Variants in SRSF11 observed in about 807,000 individuals in gnomAD.
SRSF11 encodes serine and arginine rich splicing factor 11, also known as serine/arginine-rich splicing factor 11.
SRSF11 carries 9 observed loss-of-function variants against 56.0 expected under a neutral mutation model. That is an observed-to-expected ratio of 0.16 (90% CI 0.10 to 0.28). SRSF11 has a LOEUF of 0.28. SRSF11 is among the 10% of genes least tolerant of loss of function. SRSF11 has a pLI of 1.00. For missense variants in SRSF11, 421 were observed against 600.7 expected (o/e 0.70, Z 3.13); for synonymous variants, 222 against 215.3 (o/e 1.03, Z -0.27).
chr1:70,238,029 A>G (rs1266354952), intron 6 of SRSF11, among the ~76,000 whole-genome samples: 1 of 152,170 alleles, frequency 6.6e-6, no homozygotes, highest in African/African-American at 2.4e-5. Flanking sequence ...ATGAATAGAT[A>G]TCATATTATC....
Position 70,252,288 on chromosome 1 carries a change from A to G in SRSF11, c.*1483A>G, listed in dbSNP as rs994691436. ...ACTTTAGTATAAACAAATCCCACCT[A>G]TATCTAGCAAATTTATATTTTCGGT... is the stretch of plus-strand genomic sequence containing the variant. On this transcript the variant is annotated 3_prime_UTR_variant, in exon 12 of 12. Transcript: ENST00000370949. 6 of 152,108 alleles carry G rather than the reference A, an allele frequency of 3.9e-5. No individual in the cohort carries two copies. Among genetic ancestry groups the G allele is most frequent in the African/African-American group, 1.2e-4 (5 of 41,436 alleles). The allele number at this position is 152,108 out of a possible 1,614,324, so 9.4% of individuals were successfully genotyped here. A position where few individuals can be genotyped will look rare whatever the true frequency, so the allele number is the denominator to read the frequency against.
At chr1:70,244,876 T>A in intron 8 of SRSF11, 61 bp downstream of exon 8, 1 of 1,528,516 alleles carries the variant, frequency 6.5e-7, no homozygotes, top group Non-Finnish European at 8.9e-7. Context: ...ACTGTGCTAC[T>A]TAGTAACAAA....
chr1:70,247,345 A>G (rs572308537), intron 9 of SRSF11, among the ~76,000 whole-genome samples: 5 of 152,248 alleles, frequency 3.3e-5, no homozygotes, highest in African/African-American at 7.2e-5. Context: ...GACTAATTCT[A>G]TCTTTAAGCT....
intron 2 of SRSF11, chr1:70,229,992 G>T: frequency 1.0e-6 from 1 of 985,304 alleles, no homozygotes; most frequent in Non-Finnish European, 1.2e-6. Flanking sequence ...AAAATTTACA[G>T]AATTCAAATT....
chr1:70,225,177 A>G (rs1671495809), intron 1 of SRSF11, among the ~76,000 whole-genome samples: 1 of 152,216 alleles, frequency 6.6e-6, no homozygotes, highest in Non-Finnish European at 1.5e-5. Context: ...CCAGTGAAGT[A>G]TGTCACAGTT....
Position 70,250,508 on chromosome 1 carries a change from G to T in SRSF11, c.1257+5G>T. 6.2e-7 allele frequency: 1 copy of T among 1,604,064 alleles called. No individual in the cohort carries two copies. The highest frequency in any genetic ancestry group is 1.3e-5 in the African/African-American group (1 of 74,490). The stretch of plus-strand genomic sequence containing the variant: ...GAGAGTGATAAAGATGTAAAAGTAT[G>T]TTTACAAATTGATTTATTTTTATAT... On this transcript the variant is annotated splice_donor_5th_base_variant and intron_variant, in intron 11 of 11. Coordinates refer to ENST00000370949, the MANE Select transcript of SRSF11 (RefSeq NM_001350605.2).
At chr1:70,210,717 A>G (rs1669487618) in intron 1 of SRSF11, among the ~76,000 whole-genome samples, 2 of 152,152 alleles carry the variant, frequency 1.3e-5, no homozygotes, top group Admixed American at 6.5e-5. Flanking sequence ...CCTGTAGGGA[A>G]TTACAGGGAT....
chr1:70,242,472 C>CTTTTTTTTTTTTT (rs377434872), intron 7 of SRSF11, among the ~76,000 whole-genome samples: 19,033 of 136,956 alleles, frequency 0.14, 1,625 homozygotes, highest in East Asian at 0.3. Flanking sequence ...ATTTTTGCAC[C>CTTTTTTTTTTTTT]TTTTTTTTTT....
chr1:70,218,279 T>C (rs535028377), upstream of SRSF11, among the ~76,000 whole-genome samples: 103 of 152,390 alleles, frequency 6.8e-4, no homozygotes, highest in Non-Finnish European at 8.4e-4. Flanking sequence ...ACAGGGCTGG[T>C]ATTTTAAGCC....
chr1:70,207,036 G>A (rs1669107568), intron 1 of SRSF11, among the ~76,000 whole-genome samples: 1 of 151,636 alleles, frequency 6.6e-6, no homozygotes, highest in Non-Finnish European at 1.5e-5. Flanking sequence ...GATTATAGCC[G>A]CGCACCACCA....
In SRSF11 at chr1:70,252,610, G is replaced by T. The variant is rs1261134203; in HGVS notation, c.*1805G>T. 6.6e-6 allele frequency: 1 copy of T among 151,474 alleles called. No homozygotes were observed. The highest frequency in any genetic ancestry group is 1.9e-4 in the East Asian group (1 of 5,200). The allele number at this position is 151,474 out of a possible 1,614,324, so 9.4% of individuals were successfully genotyped here. On this transcript the variant is annotated 3_prime_UTR_variant, in exon 12 of 12. Coordinates refer to ENST00000370949, the MANE Select transcript of SRSF11 (RefSeq NM_001350605.2). Reference sequence around the variant, plus strand: ...AAAGAATTGTCTATAGTGAGTAAAAGAAGTTCTAATAATGGTCCTAATCAC... The same window carrying T: ...AAAGAATTGTCTATAGTGAGTAAAATAAGTTCTAATAATGGTCCTAATCAC...
intron 2 of SRSF11, chr1:70,230,964 C>A: frequency 1.6e-6 from 2 of 1,222,730 alleles, no homozygotes; most frequent in Non-Finnish European, 1.0e-6. Context: ...GATGACAGCT[C>A]TGACACAAGC....
At chr1:70,220,049 A>G (rs1360072375), upstream of SRSF11, among the ~76,000 whole-genome samples, 1 of 152,236 alleles carries the variant, frequency 6.6e-6, no homozygotes. Context: ...TCATTAAGGT[A>G]TATTTGTGCG....
intron 2 of SRSF11, 91 bp downstream of exon 2, chr1:70,228,646 C>T (rs964117737): frequency 7.1e-7 from 1 of 1,415,592 alleles, no homozygotes; most frequent in Non-Finnish European, 9.3e-7. Context: ...CATGTTAAAT[C>T]TAAGCTATTA....
At chr1:70,229,950 G>T in intron 2 of SRSF11, 1 of 985,346 alleles carries the variant, frequency 1.0e-6, no homozygotes, top group Non-Finnish European at 1.2e-6. Flanking sequence ...TTTTATGTCA[G>T]TGTGCCTGTT....
chr1:70,205,799 C>T, intron 1 of SRSF11: 1 of 401,300 alleles, frequency 2.5e-6, no homozygotes, highest in African/African-American at 2.0e-5. Flanking sequence ...GTTTAACGGG[C>T]TTAAGAGGGG....
chr1:70,207,007 C>G (rs931206421), intron 1 of SRSF11, among the ~76,000 whole-genome samples: 1 of 151,296 alleles, frequency 6.6e-6, no homozygotes, highest in South Asian at 2.1e-4. Context: ...TCTCCTGCCT[C>G]AGCCTCTCCA....
chr1:70,251,761 G>T lies in SRSF11; in HGVS notation c.*956G>T, dbSNP rs1023436750. ...AAATAAGACAAATCTACTTGATAAT[G>T]TACCTTTATTTGATCTCAAGTTGTA... is the stretch of plus-strand genomic sequence containing the variant. On this transcript the variant is annotated 3_prime_UTR_variant, in exon 12 of 12. Coordinates refer to ENST00000370949, the MANE Select transcript of SRSF11 (RefSeq NM_001350605.2). The T allele has an allele frequency of 3.9e-5, 6 of 152,532 alleles. No individual in the cohort carries two copies. Among genetic ancestry groups the T allele is most frequent in the African/African-American group, 1.4e-4 (6 of 41,440 alleles). 9.4% of individuals were successfully genotyped at this position (152,532 alleles called of 1,614,324 possible). A position where few individuals can be genotyped will look rare whatever the true frequency, so the allele number is the denominator to read the frequency against.
At chr1:70,227,969 CATTG>C (rs1187194769) in intron 1 of SRSF11, among the ~76,000 whole-genome samples, 2 of 152,166 alleles carry the variant, frequency 1.3e-5, no homozygotes, top group Non-Finnish European at 2.9e-5. Flanking sequence ...CAAGAAAACT[CATTG>C]ATTATTGAGT....
Sources: gnomAD v4.1 joint callset for allele counts (sites outside exome capture counted in the v4.1 genomes callset) on GRCh38, gnomAD v4.1.1 for gene constraint, MANE v1.5 for transcripts, NCBI Gene and HGNC (gene_info 2026-07-23, HGNC 2026-07-21) for gene names.